Variants in ZNF407 observed in about 807,000 individuals in gnomAD.
The protein encoded by ZNF407 is zinc finger protein 407.
A neutral mutation model predicts 131.2 loss-of-function variants in ZNF407; 17 were observed. That is an observed-to-expected ratio of 0.13 (90% CI 0.09 to 0.19). The LOEUF (loss-of-function observed/expected upper bound fraction) is 0.19. Ranked by LOEUF, ZNF407 falls within the 10% of genes least tolerant of loss-of-function variation. The probability of loss-of-function intolerance (pLI) is 1.00; values close to 1 mark genes in which losing one functional copy is unlikely to be tolerated. For missense variants in ZNF407, 2,681 were observed against 2,830.6 expected (o/e 0.95, Z 1.20); for synonymous variants, 1,156 against 1,062.0 (o/e 1.09, Z -1.72).
chr18:74,731,779 G>A (rs1968300102), intron 3 of ZNF407, among the ~76,000 whole-genome samples: 1 of 152,124 alleles, frequency 6.6e-6, no homozygotes, highest in South Asian at 2.1e-4. Flanking sequence ...TCCCTGGGGT[G>A]GGGAGGTGAG....
At chr18:74,988,953 A>G (rs1972686082) in intron 8 of ZNF407, among the ~76,000 whole-genome samples, 1 of 152,160 alleles carries the variant, frequency 6.6e-6, no homozygotes, top group Non-Finnish European at 1.5e-5. Context: ...CCACTATATA[A>G]CCTAGCCATC....
chr18:74,670,317 A>G (rs1168013958), intron 3 of ZNF407, among the ~76,000 whole-genome samples: 1 of 152,218 alleles, frequency 6.6e-6, no homozygotes, highest in Non-Finnish European at 1.5e-5. Flanking sequence ...TTCTTAAAAA[A>G]TTGGTGGAAG....
At chr18:74,753,453 T>C (rs1168962929) in intron 3 of ZNF407, among the ~76,000 whole-genome samples, 2 of 152,208 alleles carry the variant, frequency 1.3e-5, no homozygotes, top group Non-Finnish European at 2.9e-5. Context: ...AAGGGCATGC[T>C]TCCAGTTTTT....
At chr18:74,665,551 C>T (rs1985897038) in intron 3 of ZNF407, among the ~76,000 whole-genome samples, 1 of 152,176 alleles carries the variant, frequency 6.6e-6, no homozygotes, top group South Asian at 2.1e-4. Context: ...TTTGGCTGGT[C>T]ACATTGCGCA....
Position 74,619,837 on chromosome 18 carries a change from G to A in ZNF407, c.-53-11130G>A, listed in dbSNP as rs998893742. Among the ~76,000 whole-genome samples the A allele has an allele frequency of 3.5e-4, 54 of 152,188 alleles. 1 individual carries two copies. Among genetic ancestry groups the A allele is most frequent in the African/African-American group, 1.3e-3 (52 of 41,538 alleles). On this transcript the variant is annotated intron_variant, in intron 1 of 8. Transcript: ENST00000299687. ...AGCTGTAAAGAAAATTCATTATAAT[G>A]TCTTTAGTTGTACGAGATGGTTTCA...
intron 3 of ZNF407, among the ~76,000 whole-genome samples, chr18:74,661,593 A>T (rs1985718289): frequency 6.6e-6 from 1 of 151,960 alleles, no homozygotes; most frequent in Non-Finnish European, 1.5e-5. Context: ...AGTTAGCTGC[A>T]TTTCTCAAAA....
chr18:74,840,522 G>C (rs1175859489), intron 4 of ZNF407, among the ~76,000 whole-genome samples: 1 of 152,052 alleles, frequency 6.6e-6, no homozygotes, highest in African/African-American at 2.4e-5. Context: ...CAATCCACAA[G>C]TGCTTGCCTC....
At chr18:74,891,014 C>T (rs530980756) in intron 7 of ZNF407, among the ~76,000 whole-genome samples, 4 of 152,280 alleles carry the variant, frequency 2.6e-5, no homozygotes, top group East Asian at 3.9e-4. Context: ...GCAGAGTTAC[C>T]TAGTGGCGGC....
At chr18:74,803,865 G>T (rs1028563884) in intron 4 of ZNF407, 6 of 1,279,358 alleles carry the variant, frequency 4.7e-6, no homozygotes, top group African/African-American at 1.5e-5. Flanking sequence ...GTTTCAAAAA[G>T]GTCAGGAATG....
chr18:74,984,759 C>T (rs1972633297), intron 8 of ZNF407, among the ~76,000 whole-genome samples: 2 of 152,176 alleles, frequency 1.3e-5, no homozygotes, highest in African/African-American at 2.4e-5. Context: ...GAAGCAAAGA[C>T]GATCCACTCT....
intron 7 of ZNF407, among the ~76,000 whole-genome samples, chr18:74,916,212 G>T (rs1971758198): frequency 8.9e-6 from 1 of 112,372 alleles, no homozygotes; most frequent in South Asian, 3.2e-4. Flanking sequence ...GTGTGTGTAT[G>T]TGTGTGTGTA....
chr18:74,688,367 G>T (rs1211794174), intron 3 of ZNF407, among the ~76,000 whole-genome samples: 1 of 152,180 alleles, frequency 6.6e-6, no homozygotes, highest in African/African-American at 2.4e-5. Context: ...TTGGATATAG[G>T]AGCCTAACAG....
intron 8 of ZNF407, among the ~76,000 whole-genome samples, chr18:74,931,124 A>G (rs1971978188): frequency 6.6e-6 from 1 of 152,260 alleles, no homozygotes; most frequent in Non-Finnish European, 1.5e-5. Context: ...GAACGTACAG[A>G]TAAAGCTTTA....
chr18:74,934,799 C>T (rs1354956842), intron 8 of ZNF407, among the ~76,000 whole-genome samples: 2 of 152,132 alleles, frequency 1.3e-5, no homozygotes, highest in South Asian at 2.1e-4. Flanking sequence ...GAGCGAGACT[C>T]GGTCTCAAAA....
chr18:74,800,548 C>T (rs1741826248), intron 4 of ZNF407, among the ~76,000 whole-genome samples: 1 of 152,040 alleles, frequency 6.6e-6, no homozygotes, highest in Non-Finnish European at 1.5e-5. Context: ...AATTCATATT[C>T]TCCTTGCCAT....
chr18:74,687,924 T>G (rs1485688288), intron 3 of ZNF407, among the ~76,000 whole-genome samples: 1 of 152,166 alleles, frequency 6.6e-6, no homozygotes, highest in Non-Finnish European at 1.5e-5. Flanking sequence ...TTAATACTTT[T>G]GTAGTAATTA....
chr18:74,834,701 G>C (rs1970531643), intron 4 of ZNF407, among the ~76,000 whole-genome samples: 1 of 152,162 alleles, frequency 6.6e-6, no homozygotes, highest in Non-Finnish European at 1.5e-5. Context: ...CCTTCCCGCA[G>C]GCTGAGCACT....
intron 8 of ZNF407, among the ~76,000 whole-genome samples, chr18:74,930,029 G>T (rs1441215079): frequency 6.6e-6 from 1 of 152,048 alleles, no homozygotes; most frequent in East Asian, 1.9e-4. Flanking sequence ...TTAATACGTT[G>T]CCATTTTCTA....
chr18:74,977,978 A>G (rs781657532), intron 8 of ZNF407, among the ~76,000 whole-genome samples: 1 of 152,182 alleles, frequency 6.6e-6, no homozygotes, highest in Admixed American at 6.5e-5. Context: ...TAACATTTTA[A>G]TGTGGTCTAA....
Sources: gnomAD v4.1 joint callset for allele counts (sites outside exome capture counted in the v4.1 genomes callset) on GRCh38, gnomAD v4.1.1 for gene constraint, MANE v1.5 for transcripts, NCBI Gene and HGNC (gene_info 2026-07-23, HGNC 2026-07-21) for gene names.